The following PPM1H variants were observed in gnomAD, a reference collection of about 807,000 sequenced individuals.
The protein encoded by PPM1H is protein phosphatase, Mg2+/Mn2+ dependent 1H.
Under a neutral mutation model 54.9 loss-of-function variants are expected in PPM1H, and 27 were observed. The ratio of observed to expected loss-of-function variants is 0.49; its 90% CI spans 0.36 to 0.68. The LOEUF is 0.68. PPM1H is among the 30% of genes least tolerant of loss of function. The pLI is 0.00. For synonymous variants in PPM1H, 305 were observed against 270.8 expected, an observed-to-expected ratio of 1.13 and a Z score of -1.24; for missense variants, 596 against 667.8, an observed-to-expected ratio of 0.89 and a Z score of 1.19.
At chr12:62,799,589 G>C (rs566139246) in intron 3 of PPM1H, among the ~76,000 whole-genome samples, 9 of 152,296 alleles carry the variant, frequency 5.9e-5, no homozygotes, top group Non-Finnish European at 1.2e-4. Context: ...CAGAGAGTGA[G>C]ATTTTACACC....
intron 4 of PPM1H, among the ~76,000 whole-genome samples, chr12:62,786,087 C>T (rs1183878748): frequency 6.6e-6 from 1 of 152,144 alleles, no homozygotes; most frequent in Non-Finnish European, 1.5e-5. Flanking sequence ...TTTTAAAGGA[C>T]AGGAAACCAG....
chr12:62,801,785 C>G (rs1244464467), intron 3 of PPM1H, 31 bp downstream of exon 3: 2 of 1,609,554 alleles, frequency 1.2e-6, no homozygotes, highest in Non-Finnish European at 1.7e-6. Flanking sequence ...CCAGCCTGGC[C>G]CTGCTGCCCC....
At chr12:62,832,399 G>A in intron 1 of PPM1H, 120 bp from the exon 2 acceptor site, 2 of 895,160 alleles carry the variant, frequency 2.2e-6, no homozygotes, top group Non-Finnish European at 3.3e-6. Flanking sequence ...CCTGCTTAAT[G>A]CTAAGAACAT....
chr12:62,657,844 C>T (rs186840717), intron 9 of PPM1H, among the ~76,000 whole-genome samples: 2 of 152,272 alleles, frequency 1.3e-5, no homozygotes, highest in East Asian at 3.9e-4. Context: ...TGATTAATCT[C>T]TTCCTTCCAA....
At chr12:62,795,227 C>T (rs985200065) in intron 3 of PPM1H, among the ~76,000 whole-genome samples, 3 of 151,990 alleles carry the variant, frequency 2.0e-5, no homozygotes, top group Non-Finnish European at 2.9e-5. Context: ...CTCTTCTGTT[C>T]GTCTGTATTT....
intron 1 of PPM1H, among the ~76,000 whole-genome samples, chr12:62,877,258 T>C (rs1254829351): frequency 6.6e-6 from 1 of 152,186 alleles, no homozygotes; most frequent in Non-Finnish European, 1.5e-5. Flanking sequence ...ATGGCTGTTG[T>C]GTCCGCAGAT....
chr12:62,871,370 A>AGT (rs1869975567), intron 1 of PPM1H, among the ~76,000 whole-genome samples: 1 of 152,182 alleles, frequency 6.6e-6, no homozygotes, highest in East Asian at 1.9e-4. Context: ...ATTAGTGGTT[A>AGT]GTGCATAGGG....
At chr12:62,701,770 T>G (rs1417669550) in intron 6 of PPM1H, among the ~76,000 whole-genome samples, 1 of 151,994 alleles carries the variant, frequency 6.6e-6, no homozygotes, top group African/African-American at 2.4e-5. Context: ...CTCCTGGACA[T>G]CACTTGGAAA....
At chr12:62,927,337 A>G (rs971955538) in intron 1 of PPM1H, among the ~76,000 whole-genome samples, 1 of 152,236 alleles carries the variant, frequency 6.6e-6, no homozygotes, top group Non-Finnish European at 1.5e-5. Flanking sequence ...AAGCCCTTCA[A>G]TGGAATATTA....
intron 1 of PPM1H, among the ~76,000 whole-genome samples, chr12:62,909,379 C>T (rs77763766): frequency 0.017 from 2,527 of 152,310 alleles, 81 homozygotes; most frequent in African/African-American, 0.058. Context: ...CCTTCCATCT[C>T]AGCAGCCACT....
Position 62,748,882 on chromosome 12 carries a change from C to A in PPM1H, c.870-11296G>T, listed in dbSNP as rs1170974369. ...TTAACTCTGGGCCCTGGCATCCTTG[C>A]TGATAACAAAAAGGGTCAGAATCAG... On this transcript the variant is annotated intron_variant, in intron 4 of 9. Coordinates refer to ENST00000228705, the MANE Select transcript of PPM1H (RefSeq NM_020700.2). 2.6e-5 allele frequency among the ~76,000 whole-genome samples: 4 copies of A among 152,136 alleles called. No homozygotes were observed. The East Asian group carries it at 5.8e-4, about 22-fold the overall frequency.
At chr12:62,695,597 C>T (rs1333346654) in intron 6 of PPM1H, among the ~76,000 whole-genome samples, 1 of 152,042 alleles carries the variant, frequency 6.6e-6, no homozygotes, top group African/African-American at 2.4e-5. Context: ...TACATACTCA[C>T]ATGAGCTATT....
At chr12:62,809,818 T>C (rs2076824504) in intron 2 of PPM1H, among the ~76,000 whole-genome samples, 1 of 152,210 alleles carries the variant, frequency 6.6e-6, no homozygotes, top group Non-Finnish European at 1.5e-5. Context: ...TCAGTGGTCC[T>C]GAACTTCTCT....
intron 5 of PPM1H, among the ~76,000 whole-genome samples, chr12:62,729,698 T>C (rs1192642057): frequency 6.6e-6 from 1 of 152,344 alleles, no homozygotes; most frequent in South Asian, 2.1e-4. Context: ...TGCCTGTTTC[T>C]GTGCTTCATC....
At chr12:62,783,485 C>T (rs760779057) in intron 4 of PPM1H, among the ~76,000 whole-genome samples, 25 of 152,216 alleles carry the variant, frequency 1.6e-4, no homozygotes, top group Non-Finnish European at 2.9e-4. Flanking sequence ...TCCCAGGGTA[C>T]AGTGCAGAGA....
At chr12:62,746,670 C>T (rs918332334) in intron 4 of PPM1H, among the ~76,000 whole-genome samples, 1 of 152,198 alleles carries the variant, frequency 6.6e-6, no homozygotes, top group Non-Finnish European at 1.5e-5. Flanking sequence ...TCCCTTGTTC[C>T]GGGGCAAGCA....
At chr12:62,701,436 A>C (rs1479525808) in intron 6 of PPM1H, among the ~76,000 whole-genome samples, 1 of 152,148 alleles carries the variant, frequency 6.6e-6, no homozygotes, top group African/African-American at 2.4e-5. Flanking sequence ...TCTTTGTGGC[A>C]ATTTTATACA....
chr12:62,931,323 C>G (rs1872125373), intron 1 of PPM1H, among the ~76,000 whole-genome samples: 1 of 152,156 alleles, frequency 6.6e-6, no homozygotes, highest in Non-Finnish European at 1.5e-5. Flanking sequence ...CAGGTACCTT[C>G]TAGTACAAAG....
At chr12:62,879,083 G>C (rs571982065) in intron 1 of PPM1H, among the ~76,000 whole-genome samples, 122 of 152,332 alleles carry the variant, frequency 8.0e-4, no homozygotes, top group Non-Finnish European at 1.5e-3. Flanking sequence ...CACCATATAG[G>C]CTTGGTCTAG....
Sources: gnomAD v4.1 joint callset for allele counts (sites outside exome capture counted in the v4.1 genomes callset) on GRCh38, gnomAD v4.1.1 for gene constraint, MANE v1.5 for transcripts, NCBI Gene and HGNC (gene_info 2026-07-23, HGNC 2026-07-21) for gene names.